The following SLC24A2 variants were observed in gnomAD, a reference collection of about 807,000 sequenced individuals.
SLC24A2 encodes the protein solute carrier family 24 member 2.
In SLC24A2, 36 loss-of-function variants were observed where a neutral mutation model predicts 62.0. The observed-to-expected ratio is 0.58, with a 90% CI of 0.44 to 0.77. The LOEUF (loss-of-function observed/expected upper bound fraction) is 0.77. Ranked by LOEUF, SLC24A2 falls within the 30% of genes least tolerant of loss-of-function variation. SLC24A2 has a pLI of 0.00. For missense variants in SLC24A2, 846 were observed against 817.9 expected (o/e 1.03, Z -0.42); for synonymous variants, 358 against 294.0 (o/e 1.22, Z -2.23).
intron 2 of SLC24A2, among the ~76,000 whole-genome samples, chr9:19,693,697 T>C (rs1403148883): frequency 6.6e-6 from 1 of 152,160 alleles, no homozygotes; most frequent in African/African-American, 2.4e-5. Context: ...AGTTTCATTT[T>C]GTTTTTAAGA....
the SLC24A2 span, among the ~76,000 whole-genome samples, chr9:20,164,502 G>A: frequency 2.6e-5 from 4 of 151,226 alleles, no homozygotes; most frequent in African/African-American, 7.3e-5. Context: ...TGGAGAGGAT[G>A]TGGAGAAATA....
At position 19,511,707 on chromosome 9, in the gene SLC24A2, G is replaced by A. The variant is rs2132606324; in HGVS notation, c.*4446C>T. ...AGCAAGAGTGAGCACTGACTTCTAT[G>A]CATGCTTTCAGGAGACAGTAGTTTT... On this transcript the variant is annotated 3_prime_UTR_variant, in exon 11 of 11. Transcript: ENST00000341998. The A allele has an allele frequency of 6.6e-6, 1 of 152,262 alleles. No individual in the cohort carries two copies. The highest frequency in any genetic ancestry group is 1.5e-5 in the Non-Finnish European group (1 of 68,026). The allele number at this position is 152,262 out of a possible 1,614,324, so 9.4% of individuals were successfully genotyped here. A position where few individuals can be genotyped will look rare whatever the true frequency, so the allele number is the denominator to read the frequency against.
At chr9:20,061,444 G>A in the SLC24A2 span, among the ~76,000 whole-genome samples, 3 of 151,992 alleles carry the variant, frequency 2.0e-5, no homozygotes, top group Non-Finnish European at 2.9e-5. Context: ...GTGCCACCAT[G>A]CCCAGCTAAT....
At chr9:19,904,162 G>A in the SLC24A2 span, among the ~76,000 whole-genome samples, 2 of 152,156 alleles carry the variant, frequency 1.3e-5, no homozygotes, top group South Asian at 4.1e-4. Flanking sequence ...ACTTGATCTT[G>A]TTAGATATGA....
At chr9:20,017,978 G>A in the SLC24A2 span, among the ~76,000 whole-genome samples, 5 of 152,024 alleles carry the variant, frequency 3.3e-5, no homozygotes, top group South Asian at 2.1e-4. Context: ...ACGGAGTCTC[G>A]CTGTGTCACC....
the SLC24A2 span, among the ~76,000 whole-genome samples, chr9:20,105,419 C>T: frequency 6.6e-6 from 1 of 151,370 alleles, no homozygotes; most frequent in African/African-American, 2.4e-5. Flanking sequence ...CACACCACAC[C>T]TATTCCAAAA....
the SLC24A2 span, among the ~76,000 whole-genome samples, chr9:20,104,494 G>T: frequency 6.6e-6 from 1 of 152,194 alleles, no homozygotes; most frequent in Non-Finnish European, 1.5e-5. Flanking sequence ...GACTAACAGT[G>T]GATCTCTCAG....
At chr9:19,866,600 C>G in the SLC24A2 span, among the ~76,000 whole-genome samples, 1 of 134,604 alleles carries the variant, frequency 7.4e-6, no homozygotes, top group Admixed American at 7.6e-5. Context: ...AAGCCAGGCA[C>G]AAAAAGACAA....
chr9:19,650,102 T>C (rs569085439), intron 2 of SLC24A2, among the ~76,000 whole-genome samples: 7 of 152,286 alleles, frequency 4.6e-5, no homozygotes, highest in African/African-American at 1.7e-4. Context: ...TCGTAGGCTA[T>C]TTTGAAGATG....
At chr9:19,614,710 G>T (rs956055403) in intron 4 of SLC24A2, among the ~76,000 whole-genome samples, 7 of 151,786 alleles carry the variant, frequency 4.6e-5, no homozygotes, top group African/African-American at 1.7e-4. Context: ...TTTGCTCTTG[G>T]AACCCTTAAC....
At chr9:20,233,673 T>C in the SLC24A2 span, among the ~76,000 whole-genome samples, 2 of 152,222 alleles carry the variant, frequency 1.3e-5, no homozygotes, top group Non-Finnish European at 2.9e-5. Flanking sequence ...GTCTTGAATC[T>C]TTATCCAATT....
chr9:20,242,043 T>C, the SLC24A2 span, among the ~76,000 whole-genome samples: 1 of 152,144 alleles, frequency 6.6e-6, no homozygotes, highest in African/African-American at 2.4e-5. Flanking sequence ...GTTTTGATCA[T>C]CCTCTCCACC....
the SLC24A2 span, among the ~76,000 whole-genome samples, chr9:20,008,372 G>T: frequency 6.6e-6 from 1 of 151,928 alleles, no homozygotes; most frequent in Non-Finnish European, 1.5e-5. Flanking sequence ...GCCTGGCTCT[G>T]TCTGCCACTG....
the SLC24A2 span, among the ~76,000 whole-genome samples, chr9:20,013,711 T>A: frequency 6.6e-6 from 1 of 152,048 alleles, no homozygotes. Flanking sequence ...CCAAAATATA[T>A]AAGGAAATCA....
At chr9:20,089,125 G>A in the SLC24A2 span, among the ~76,000 whole-genome samples, 1 of 152,274 alleles carries the variant, frequency 6.6e-6, no homozygotes, top group South Asian at 2.1e-4. Context: ...GGAGGGGTGT[G>A]TTGTCCTCTT....
At chr9:20,097,630 C>T in the SLC24A2 span, among the ~76,000 whole-genome samples, 6 of 150,990 alleles carry the variant, frequency 4.0e-5, no homozygotes, top group Non-Finnish European at 8.8e-5. Flanking sequence ...ATCTGATTCT[C>T]CCTTTAAGGT....
chr9:20,232,473 C>T, the SLC24A2 span, among the ~76,000 whole-genome samples: 5 of 152,044 alleles, frequency 3.3e-5, no homozygotes, highest in African/African-American at 9.7e-5. Flanking sequence ...GGAGGATGTA[C>T]GTGTCGAGGA....
intron 2 of SLC24A2, among the ~76,000 whole-genome samples, chr9:19,761,444 T>C (rs1822324479): frequency 6.6e-6 from 1 of 151,772 alleles, no homozygotes. Context: ...GTTTGTTGGT[T>C]GCATAAATGT....
At chr9:20,064,479 A>G in the SLC24A2 span, among the ~76,000 whole-genome samples, 2 of 152,250 alleles carry the variant, frequency 1.3e-5, no homozygotes, top group Non-Finnish European at 2.9e-5. Context: ...ATTGCCCAAT[A>G]AAGCTGTACA....
Sources: gnomAD v4.1 joint callset for allele counts (sites outside exome capture counted in the v4.1 genomes callset) on GRCh38, gnomAD v4.1.1 for gene constraint, MANE v1.5 for transcripts, NCBI Gene and HGNC (gene_info 2026-07-23, HGNC 2026-07-21) for gene names.